Variants in ACSL1 observed in about 807,000 individuals in gnomAD.
ACSL1 encodes long-chain-fatty-acid--CoA ligase 1.
Under a neutral mutation model 98.4 loss-of-function variants are expected in ACSL1, and 41 were observed. The observed-to-expected ratio is 0.42, with a 90% CI of 0.32 to 0.54. ACSL1 has a LOEUF of 0.54. ACSL1 is among the 20% of genes least tolerant of loss of function. ACSL1 has a pLI of 0.13. For missense variants in ACSL1, 734 were observed against 883.1 expected (o/e 0.83, Z 2.14); for synonymous variants, 316 against 322.7 (o/e 0.98, Z 0.22).
rs551405225 is a variant in ACSL1 at position 184,760,292 on chromosome 4, G to A, written c.1782+65C>T. 9.6e-5 allele frequency: 149 copies of A among 1,553,396 alleles called. 1 individual carries two copies. In the South Asian group the frequency reaches 1.7e-3, roughly 18 times the overall value. ...TCTCAAACTTCCAATCACATTTAAAGCCCCTGGAGTACCAGGCAATGGCAA... is the reference window on the plus strand; with the variant it reads ...TCTCAAACTTCCAATCACATTTAAAACCCCTGGAGTACCAGGCAATGGCAA... On this transcript the variant is annotated intron_variant, in intron 18 of 20. Coordinates refer to ENST00000281455, the MANE Select transcript of ACSL1 (RefSeq NM_001995.5).
intron 1 of ACSL1, among the ~76,000 whole-genome samples, chr4:184,806,531 G>GCAA: frequency 6.6e-6 from 1 of 152,198 alleles, no homozygotes; most frequent in East Asian, 1.9e-4. Flanking sequence ...TGTTCAACAG[G>GCAA]ATCACATCCC....
chr4:184,765,017 G>T, intron 14 of ACSL1, 92 bp from the exon 15 acceptor site: 1 of 1,246,628 alleles, frequency 8.0e-7, no homozygotes, highest in Non-Finnish European at 1.1e-6. Context: ...TAACTCCCAA[G>T]TCATGGCTGA....
At chr4:184,817,872 C>A (rs2150496058) in intron 1 of ACSL1, among the ~76,000 whole-genome samples, 1 of 152,294 alleles carries the variant, frequency 6.6e-6, no homozygotes, top group Middle Eastern at 3.4e-3. Context: ...CTGGCCTCCT[C>A]TGAAGGTCTG....
chr4:184,757,774 A>C lies in ACSL1; in HGVS notation c.1884+45T>G. 6.2e-7 allele frequency: 1 copy of C among 1,611,494 alleles called. No individual in the cohort carries two copies. The highest frequency in any genetic ancestry group is 8.5e-7 in the Non-Finnish European group (1 of 1,177,688). ...CCCTGAATATCTACAGGTACATTTA[A>C]TGCCAAGTTATGATGAGGACAGACT... On this transcript the variant is annotated intron_variant, in intron 19 of 20. Transcript: ENST00000281455. This position sits in a 1 kb window ranked among gnomAD's most constrained non-coding sequence, Gnocchi z 4.5.
At chr4:184,792,911 G>T (rs751500573) in intron 2 of ACSL1, among the ~76,000 whole-genome samples, 5 of 152,088 alleles carry the variant, frequency 3.3e-5, no homozygotes, top group Non-Finnish European at 7.4e-5. Flanking sequence ...CAAAAGCTGG[G>T]GACTTAAATA....
chr4:184,769,190 T>C (rs1007321301), intron 11 of ACSL1, among the ~76,000 whole-genome samples: 8 of 152,090 alleles, frequency 5.3e-5, no homozygotes, highest in Admixed American at 2.0e-4. Flanking sequence ...TTTCTTTTGT[T>C]TGAATCTAAC....
At chr4:184,764,818 A>C (rs1187113502) in intron 15 of ACSL1, 35 bp downstream of exon 15, 1 of 1,584,280 alleles carries the variant, frequency 6.3e-7, no homozygotes, top group East Asian at 2.2e-5. Context: ...AGTATGAATA[A>C]CAAAATTCCA....
rs375517175 is a variant in ACSL1, at chr4:184,768,352, G to A, written c.1092C>T (p.Pro364=). The change falls in exon 12 of 21, where the codon CCC becomes CCT. Residue 364 remains proline, a synonymous_variant. Coordinates refer to ENST00000281455, the MANE Select transcript of ACSL1 (RefSeq NM_001995.5). ...DLKVLQPTVF[P]VVPRLLNRMF... ...TCCGGTTCAGCAGTCTTGGAACCAC[G>A]GGGAAGACAGTGGGTTGAAGCACCT... The A allele has an allele frequency of 9.4e-5, 151 of 1,612,240 alleles. 1 individual carries two copies. The Admixed American group carries it at 1.6e-3, about 17-fold the overall frequency.
chr4:184,767,451 G>T (rs1763785692), intron 12 of ACSL1, among the ~76,000 whole-genome samples: 2 of 152,000 alleles, frequency 1.3e-5, no homozygotes, highest in Non-Finnish European at 2.9e-5. Context: ...CCACAGAAAA[G>T]TCCAGAATAG....
intron 18 of ACSL1, 36 bp downstream of exon 18, chr4:184,760,321 G>C (rs6825554): frequency 1 from 1,610,690 of 1,611,308 alleles, 805,037 homozygotes; most frequent in Middle Eastern, 1. Context: ...ATGGCAATGT[G>C]TATGCAGCAA....
chr4:184,765,072 A>G lies in ACSL1; in HGVS notation c.1360-147T>C, dbSNP rs577433562. On this transcript the variant is annotated intron_variant, in intron 14 of 20. Coordinates refer to ENST00000281455, the MANE Select transcript of ACSL1 (RefSeq NM_001995.5). ...AATGGTCTGTTCAGTAAGTTCATTC[A>G]ATGGTCCAGTGTGCTTTACGCCAAC... The G allele has an allele frequency of 4.6e-5, 36 of 789,114 alleles. No individual in the cohort carries two copies. In the African/African-American group the frequency reaches 5.8e-4, roughly 13 times the overall value. The allele number at this position is 789,114 out of a possible 1,614,324, so 48.9% of individuals were successfully genotyped here.
chr4:184,814,022 G>C, intron 1 of ACSL1: 2 of 389,180 alleles, frequency 5.1e-6, no homozygotes, highest in Non-Finnish European at 1.1e-5. Context: ...TGGGCACAGT[G>C]GCTCACGCCT....
rs1225112243 is a variant in ACSL1, at chr4:184,756,018, G to A, written c.*1107C>T. Reference sequence around the variant, plus strand: ...TTTCTACATCCTAGAATTTTGGCTTGTCAAACACATTTCATAGAAATCAGG... The same window carrying A: ...TTTCTACATCCTAGAATTTTGGCTTATCAAACACATTTCATAGAAATCAGG... On this transcript the variant is annotated 3_prime_UTR_variant, in exon 21 of 21. Coordinates refer to ENST00000281455, the MANE Select transcript of ACSL1 (RefSeq NM_001995.5). 1 of 152,308 alleles carries A rather than the reference G, an allele frequency of 6.6e-6. No homozygotes were observed. Among genetic ancestry groups the A allele is most frequent in the African/African-American group, 2.4e-5 (1 of 41,448 alleles). The allele number at this position is 152,308 out of a possible 1,614,324, so 9.4% of individuals were successfully genotyped here.
In ACSL1 at chr4:184,766,678, T is replaced by C. The variant is rs1763658350; in HGVS notation, c.1207A>G (p.Ser403Gly). Residue 403 changes from serine to glycine, a missense_variant, in exon 13 of 21, where the codon AGC (serine) becomes GGC (glycine). By Grantham distance (56) the Ser-to-Gly change is moderately conservative. Transcript: ENST00000281455. This position sits in a 1 kb window ranked among gnomAD's most constrained non-coding sequence, Gnocchi z 4.8. ...ASKRKEAELR[S>G]GIIRNNSLWD... ...AGGCTGTTGTTTCTGATGATGCCGCTGCGAAGCTCTGCTTCTTTCCTCTTG... is the reference window on the plus strand; with the variant it reads ...AGGCTGTTGTTTCTGATGATGCCGCCGCGAAGCTCTGCTTCTTTCCTCTTG... 1.2e-6 allele frequency: 2 copies of C among 1,614,198 alleles called. No individual in the cohort carries two copies. The highest frequency in any genetic ancestry group is 1.7e-6 in the Non-Finnish European group (2 of 1,180,036).
rs1762341257 is a variant in ACSL1, at chr4:184,757,994, T to C, written c.1783-74A>G. The stretch of plus-strand genomic sequence containing the variant: ...AAAATAGTGGTTCTTTATTTTTCCA[T>C]CTTGTGGCCCCCTGGGAGAATATGA... On this transcript the variant is annotated intron_variant, in intron 18 of 20. Transcript: ENST00000281455. This position sits in a 1 kb window ranked among gnomAD's most constrained non-coding sequence, Gnocchi z 4.5. 7.1e-7 allele frequency: 1 copy of C among 1,407,342 alleles called. No homozygotes were observed. Among genetic ancestry groups the C allele is most frequent in the South Asian group, 1.2e-5 (1 of 86,230 alleles). 87.2% of individuals were successfully genotyped at this position (1,407,342 alleles called of 1,614,324 possible). A position where few individuals can be genotyped will look rare whatever the true frequency, so the allele number is the denominator to read the frequency against.
intron 4 of ACSL1, among the ~76,000 whole-genome samples, chr4:184,783,620 A>T (rs1766701074): frequency 6.6e-6 from 1 of 152,212 alleles, no homozygotes; most frequent in African/African-American, 2.4e-5. Flanking sequence ...AGTGGAGAGA[A>T]ATAATGCTAT....
Position 184,780,368 on chromosome 4 carries a change from A to G in ACSL1, c.441T>C (p.Asp147=). The G allele has an allele frequency of 6.2e-7, 1 of 1,613,914 alleles. No individual in the cohort carries two copies. The highest frequency in any genetic ancestry group is 8.5e-7 in the Non-Finnish European group (1 of 1,179,948). The part of the protein sequence containing the change: ...LIQKGFKTAP[D]QFIGIFAQNR... Reference sequence around the variant, plus strand: ...TTTGAGCAAAGATGCCAATGAACTGATCTGGGGCAGTCTTGAAGCCCTTCT... The same window carrying G: ...TTTGAGCAAAGATGCCAATGAACTGGTCTGGGGCAGTCTTGAAGCCCTTCT... The change falls in exon 5 of 21, where the codon GAT becomes GAC. Residue 147 remains aspartate, a synonymous_variant. Coordinates refer to ENST00000281455, the MANE Select transcript of ACSL1 (RefSeq NM_001995.5).
rs961255868 is a variant in ACSL1, at chr4:184,766,358, C to T, written c.1263+264G>A. Among the ~76,000 whole-genome samples, 4 of 152,096 alleles carry T rather than the reference C, an allele frequency of 2.6e-5. No homozygotes were observed. The highest frequency in any genetic ancestry group is 5.9e-5 in the Non-Finnish European group (4 of 68,000). The stretch of plus-strand genomic sequence containing the variant: ...TACCTCAAGAGTGACACGCTTGTTC[C>T]GGAAAAACGCAACAAAATGGAGAAT... On this transcript the variant is annotated intron_variant, in intron 13 of 20. Coordinates refer to ENST00000281455, the MANE Select transcript of ACSL1 (RefSeq NM_001995.5). The surrounding 1 kb of genome is among the most constrained non-coding windows in gnomAD (Gnocchi z 4.8).
chr4:184,771,281 A>G (rs1416431700), intron 10 of ACSL1, among the ~76,000 whole-genome samples: 1 of 152,202 alleles, frequency 6.6e-6, no homozygotes, highest in East Asian at 1.9e-4. Context: ...TTTCATCACT[A>G]CAGTATCCTA....
Sources: allele counts gnomAD v4.1 joint callset (sites outside exome capture counted in the v4.1 genomes callset), GRCh38; gene constraint gnomAD v4.1.1; non-coding constraint Gnocchi (gnomAD v3.1); transcripts MANE v1.5; gene names NCBI Gene and HGNC (gene_info 2026-07-23, HGNC 2026-07-21).